Variants in BIRC2 observed in about 807,000 individuals in gnomAD.
BIRC2 encodes baculoviral IAP repeat containing 2, also known as baculoviral IAP repeat-containing protein 2.
BIRC2 carries 18 observed loss-of-function variants against 60.9 expected under a neutral mutation model. That is an observed-to-expected ratio of 0.30 (90% CI 0.20 to 0.44). BIRC2 has a LOEUF of 0.44. Among genes scored for constraint, BIRC2 ranks in the 20% least tolerant of loss-of-function variants. BIRC2 has a pLI of 1.00. For synonymous variants in BIRC2, 282 were observed against 247.7 expected (o/e 1.14, Z -1.30); for missense variants, 701 against 728.5 (o/e 0.96, Z 0.43).
chr11:102,364,174 T>TATATATATATACAC (rs1389968594), intron 5 of BIRC2, among the ~76,000 whole-genome samples: 30 of 78,088 alleles, frequency 3.8e-4, no homozygotes, highest in African/African-American at 6.7e-4. Flanking sequence ...TATATATATA[T>TATATATATATACAC]ACACACACAC....
chr11:102,375,221 G>A (rs951607660), intron 6 of BIRC2, among the ~76,000 whole-genome samples: 2 of 152,186 alleles, frequency 1.3e-5, no homozygotes, highest in African/African-American at 2.4e-5. Flanking sequence ...TTGAGCATGA[G>A]CACCAGTGCC....
intron 1 of BIRC2, among the ~76,000 whole-genome samples, chr11:102,348,035 C>A (rs1235575564): frequency 5.9e-5 from 9 of 152,148 alleles, no homozygotes; most frequent in African/African-American, 9.7e-5. Context: ...TTTCACAGGC[C>A]ACTGTGTTAG....
chr11:102,375,117 C>T (rs1001907506), intron 6 of BIRC2, among the ~76,000 whole-genome samples: 2 of 152,228 alleles, frequency 1.3e-5, no homozygotes, highest in African/African-American at 2.4e-5. Flanking sequence ...ATGCAGAAAT[C>T]ACCCGTCTTG....
chr11:102,368,889 T>G (rs1480525907), intron 6 of BIRC2, among the ~76,000 whole-genome samples: 1 of 152,066 alleles, frequency 6.6e-6, no homozygotes, highest in African/African-American at 2.4e-5. Context: ...TAAAGTTGGA[T>G]GCAGGTCTTT....
chr11:102,362,837 G>T (rs770376319), intron 3 of BIRC2, 59 bp from the exon 4 acceptor site: 61 of 1,321,178 alleles, frequency 4.6e-5, no homozygotes, highest in Non-Finnish European at 6.1e-5. Flanking sequence ...TTTCTAGAAT[G>T]ATCAGGTTAT....
intron 5 of BIRC2, among the ~76,000 whole-genome samples, chr11:102,366,815 G>C (rs1951557918): frequency 6.6e-6 from 1 of 152,164 alleles, no homozygotes; most frequent in African/African-American, 2.4e-5. Flanking sequence ...AGTTTTATCA[G>C]TTGCATGCTT....
intron 3 of BIRC2, among the ~76,000 whole-genome samples, chr11:102,357,547 T>G (rs989279157): frequency 6.6e-6 from 1 of 152,194 alleles, no homozygotes; most frequent in Non-Finnish European, 1.5e-5. Flanking sequence ...TAGGAATGCA[T>G]CCATTTCTTC....
At chr11:102,364,143 A>T (rs1037004935) in intron 5 of BIRC2, among the ~76,000 whole-genome samples, 2 of 56,572 alleles carry the variant, frequency 3.5e-5, no homozygotes, top group Non-Finnish European at 6.8e-5. Flanking sequence ...TAAATATTAT[A>T]TATATATATA....
At chr11:102,362,849 T>A in intron 3 of BIRC2, 47 bp from the exon 4 acceptor site, 2 of 1,426,130 alleles carry the variant, frequency 1.4e-6, no homozygotes, top group Non-Finnish European at 2.0e-6. Flanking sequence ...TCAGGTTATA[T>A]TTGATATGAA....
chr11:102,369,740 A>G (rs1473782114), intron 6 of BIRC2, among the ~76,000 whole-genome samples: 3 of 148,882 alleles, frequency 2.0e-5, no homozygotes, highest in Admixed American at 6.7e-5. Context: ...GAATCGCCAC[A>G]CTGACTTCCA....
chr11:102,366,310 C>A (rs973909441), intron 5 of BIRC2, among the ~76,000 whole-genome samples: 1 of 151,874 alleles, frequency 6.6e-6, no homozygotes, highest in East Asian at 1.9e-4. Flanking sequence ...TATCAGAAGT[C>A]TTTTCATTTC....
intron 3 of BIRC2, among the ~76,000 whole-genome samples, chr11:102,352,804 A>T (rs1028964041): frequency 6.6e-6 from 1 of 152,314 alleles, no homozygotes; most frequent in African/African-American, 2.4e-5. Flanking sequence ...TACATCACAG[A>T]TTATGTTTTT....
At chr11:102,375,057 C>T (rs564667017) in intron 6 of BIRC2, among the ~76,000 whole-genome samples, 1 of 152,334 alleles carries the variant, frequency 6.6e-6, no homozygotes, top group Non-Finnish European at 1.5e-5. Flanking sequence ...CTGGCCTGCG[C>T]CCACTGTCTG....
In BIRC2 at chr11:102,377,743, C is replaced by T. The variant is rs1951730792; in HGVS notation, c.1614C>T (p.Asn538=). 2 of 1,597,374 alleles carry T rather than the reference C, an allele frequency of 1.3e-6. No homozygotes were observed. The highest frequency in any genetic ancestry group is 1.9e-5 in the Admixed American group (1 of 53,814). Residue 538 remains asparagine, a synonymous_variant, in exon 7 of 9, where the codon AAC becomes AAT. Coordinates refer to ENST00000227758, the MANE Select transcript of BIRC2 (RefSeq NM_001166.5). ...LKEIDSTLYK[N]LFVDKNMKYI... is the part of the protein sequence containing the mutation. ...AAATTGACTCTACATTGTATAAGAACTTATTTGGTGAGTTTGTTGGGAAAA... is the reference window on the plus strand; with the variant it reads ...AAATTGACTCTACATTGTATAAGAATTTATTTGGTGAGTTTGTTGGGAAAA...
At position 102,368,368 on chromosome 11, in the gene BIRC2, G is replaced by A. The variant is rs1951577656; in HGVS notation, c.1186G>A (p.Val396Ile). The change falls in exon 6 of 9, where the codon GTT (valine) becomes ATT (isoleucine). Residue 396 changes from valine to isoleucine, a missense_variant. By Grantham distance (29) the Val-to-Ile change is conservative. Coordinates refer to ENST00000227758, the MANE Select transcript of BIRC2 (RefSeq NM_001166.5). ...EDAVMMNTPV[V>I]KSALEMGFNR... Reference sequence around the variant, plus strand: ...TGCTGTCATGATGAATACACCTGTGGTTAAATCTGCCTTGGAAATGGGCTT... The same window carrying A: ...TGCTGTCATGATGAATACACCTGTGATTAAATCTGCCTTGGAAATGGGCTT... The A allele has an allele frequency of 6.2e-7, 1 of 1,614,000 alleles. No homozygotes were observed. The highest frequency in any genetic ancestry group is 1.3e-5 in the African/African-American group (1 of 75,024).
chr11:102,365,542 A>G (rs915173490), intron 5 of BIRC2, among the ~76,000 whole-genome samples: 1 of 152,078 alleles, frequency 6.6e-6, no homozygotes, highest in Non-Finnish European at 1.5e-5. Context: ...TTGACCTGTT[A>G]ATTAGCATTT....
Position 102,350,356 on chromosome 11 carries a change from G to A in BIRC2, c.502G>A (p.Asp168Asn). ...CCCTCTTAATTCTAGAGCAGTTGAA[G>A]ACATCTCTTCATCGAGGACTAACCC... is the stretch of plus-strand genomic sequence containing the variant. ...PNPLNSRAVE[D>N]ISSSRTNPYS... The change falls in exon 2 of 9, where the codon GAC becomes AAC. Residue 168 changes from aspartate to asparagine, a missense_variant. Asp to Asn is a conservative substitution (Grantham distance 23). Transcript: ENST00000227758. 1 of 1,614,198 alleles carries A rather than the reference G, an allele frequency of 6.2e-7. No individual in the cohort carries two copies. The highest frequency in any genetic ancestry group is 8.5e-7 in the Non-Finnish European group (1 of 1,180,036).
Position 102,368,395 on chromosome 11 carries a change from A to G in BIRC2, c.1213A>G (p.Asn405Asp), listed in dbSNP as rs765948410. 10 of 1,613,940 alleles carry G rather than the reference A, an allele frequency of 6.2e-6. No individual in the cohort carries two copies. Among genetic ancestry groups the G allele is most frequent in the Middle Eastern group, 3.3e-4 (2 of 6,084 alleles). Residue 405 changes from asparagine to aspartate, a missense_variant, in exon 6 of 9, where the codon AAT becomes GAT. Physicochemically the swap from Asn to Asp is conservative, Grantham distance 23 (BLOSUM62 1). This residue lies in a region of BIRC2 where 235 missense variants were observed against 208.9 expected (regional missense o/e 1.12). Transcript: ENST00000227758. ...TAAATCTGCCTTGGAAATGGGCTTTAATAGAGACCTGGTGAAACAAACAGT... is the reference window on the plus strand; with the variant it reads ...TAAATCTGCCTTGGAAATGGGCTTTGATAGAGACCTGGTGAAACAAACAGT... ...VVKSALEMGF[N>D]RDLVKQTVQS...
chr11:102,350,546 A>G lies in BIRC2; in HGVS notation c.692A>G (p.Glu231Gly), dbSNP rs763875624. 2 of 1,614,180 alleles carry G rather than the reference A, an allele frequency of 1.2e-6. No homozygotes were observed. The highest frequency in any genetic ancestry group is 1.7e-6 in the Non-Finnish European group (2 of 1,180,024). The change falls in exon 2 of 9, where the codon GAA becomes GGA. Residue 231 changes from glutamate (E) to glycine (G), a missense_variant. Glu to Gly is a moderately conservative substitution (Grantham distance 98). Around this residue, in one of 4 missense-constraint regions of BIRC2, gnomAD observed 375 missense variants for 365.9 expected, o/e 1.02. Coordinates refer to ENST00000227758, the MANE Select transcript of BIRC2 (RefSeq NM_001166.5). ...FACGGKLSNWEPKDDAMSEHR... is the reference protein window; with the variant it reads ...FACGGKLSNWGPKDDAMSEHR... ...TGTGGTGGGAAGCTCAGTAACTGGGAACCAAAGGATGATGCTATGTCAGAA... is the reference window on the plus strand; with the variant it reads ...TGTGGTGGGAAGCTCAGTAACTGGGGACCAAAGGATGATGCTATGTCAGAA...
Sources: gnomAD v4.1 joint callset for allele counts (sites outside exome capture counted in the v4.1 genomes callset) on GRCh38, gnomAD v4.1.1 for gene constraint, gnomAD v4.1.1 regional missense constraint, MANE v1.5 for transcripts, NCBI Gene and HGNC (gene_info 2026-07-23, HGNC 2026-07-21) for gene names.